Variants in GBE1 observed in about 807,000 individuals in gnomAD.
GBE1 encodes 1,4-alpha-glucan-branching enzyme.
A neutral mutation model predicts 88.8 loss-of-function variants in GBE1; 70 were observed. The ratio of observed to expected loss-of-function variants is 0.79; its 90% CI spans 0.65 to 0.96. GBE1 has a LOEUF of 0.96. GBE1 is among the 40% of genes least tolerant of loss of function. The pLI is 0.00. For missense variants in GBE1, 872 were observed against 871.0 expected (o/e 1.00, Z -0.01); for synonymous variants, 284 against 300.1 (o/e 0.95, Z 0.56).
At chr3:81,746,396 A>T (rs1400664045) in intron 1 of GBE1, among the ~76,000 whole-genome samples, 1 of 151,920 alleles carries the variant, frequency 6.6e-6, no homozygotes, top group African/African-American at 2.4e-5. Context: ...CCAAGTAGCT[A>T]GGACTACAGG....
At chr3:81,598,939 T>C (rs1383812802) in intron 7 of GBE1, among the ~76,000 whole-genome samples, 2 of 152,106 alleles carry the variant, frequency 1.3e-5, no homozygotes, top group Non-Finnish European at 2.9e-5. Context: ...ATTAATATAT[T>C]GTTTAATCAG....
rs545537214 is a variant in GBE1 at position 81,629,984 on chromosome 3, G to C, written c.992+12797C>G. Among the ~76,000 whole-genome samples the C allele has an allele frequency of 3.9e-4, 58 of 150,474 alleles. 1 individual carries two copies. Among genetic ancestry groups the C allele is most frequent in the Middle Eastern group, 6.9e-3 (2 of 290 alleles). On this transcript the variant is annotated intron_variant, in intron 7 of 15. Transcript: ENST00000429644. The stretch of plus-strand genomic sequence containing the variant: ...ATGCAGTGTTTGGTTTTTTGTCCTT[G>C]CGACAGTTTACTGAGAATGATGGTT...
intron 12 of GBE1, among the ~76,000 whole-genome samples, chr3:81,577,476 T>C (rs1428946320): frequency 6.6e-6 from 1 of 152,202 alleles, no homozygotes. Context: ...TCCAACACAA[T>C]ATCTCTGAAC....
chr3:81,732,845 C>A (rs1001635339), intron 1 of GBE1, among the ~76,000 whole-genome samples: 1 of 152,102 alleles, frequency 6.6e-6, no homozygotes, highest in African/African-American at 2.4e-5. Context: ...TAAAAGCTAA[C>A]CAAAGTCTTT....
chr3:81,696,893 G>A (rs1476261603), intron 2 of GBE1, among the ~76,000 whole-genome samples: 1 of 152,108 alleles, frequency 6.6e-6, no homozygotes, highest in Non-Finnish European at 1.5e-5. Context: ...CTCAAACCAT[G>A]TATTTCCTAT....
intron 7 of GBE1, among the ~76,000 whole-genome samples, chr3:81,626,279 T>C (rs1704413063): frequency 6.6e-6 from 1 of 152,218 alleles, no homozygotes; most frequent in Non-Finnish European, 1.5e-5. Flanking sequence ...TCAAACAGGA[T>C]ATTCTTTACA....
At chr3:81,621,725 T>C (rs998273917) in intron 7 of GBE1, among the ~76,000 whole-genome samples, 2 of 152,200 alleles carry the variant, frequency 1.3e-5, no homozygotes, top group Non-Finnish European at 2.9e-5. Flanking sequence ...CTTAGTTGAA[T>C]TTGATCCCTA....
At position 81,566,751 on chromosome 3, in the gene GBE1, C is replaced by T. The variant is rs189507275; in HGVS notation, c.1618+11174G>A. ...TTTCATCTTCACAAAACCCCACTTA[C>T]AACCAACCTTCACCTGTATTCATTT... On this transcript the variant is annotated intron_variant, in intron 12 of 15. Transcript: ENST00000429644. Among the ~76,000 whole-genome samples, 1,139 of 152,208 alleles carry T rather than the reference C, an allele frequency of 7.5e-3. 11 individuals are homozygous for T. Among genetic ancestry groups the T allele is most frequent in the Middle Eastern group, 0.02 (6 of 294 alleles).
At chr3:81,693,528 C>T (rs954263217) in intron 2 of GBE1, among the ~76,000 whole-genome samples, 2 of 152,070 alleles carry the variant, frequency 1.3e-5, no homozygotes, top group African/African-American at 2.4e-5. Flanking sequence ...CCATTTCCTC[C>T]GCTAGAAGAG....
At chr3:81,687,194 T>C (rs990228773) in intron 2 of GBE1, among the ~76,000 whole-genome samples, 1 of 152,130 alleles carries the variant, frequency 6.6e-6, no homozygotes. Context: ...GACAGAGAAA[T>C]GAAAGAGGTA....
intron 7 of GBE1, among the ~76,000 whole-genome samples, chr3:81,600,634 T>A (rs942660009): frequency 6.6e-6 from 1 of 152,198 alleles, no homozygotes; most frequent in African/African-American, 2.4e-5. Flanking sequence ...TGACTTTAAA[T>A]ATACTACAAC....
At chr3:81,720,321 A>C (rs1706006894) in intron 1 of GBE1, among the ~76,000 whole-genome samples, 1 of 150,130 alleles carries the variant, frequency 6.7e-6, no homozygotes, top group African/African-American at 2.5e-5. Flanking sequence ...ACACATACAC[A>C]CACGCACACA....
intron 2 of GBE1, among the ~76,000 whole-genome samples, chr3:81,702,566 C>A (rs1705715363): frequency 6.6e-6 from 1 of 151,994 alleles, no homozygotes; most frequent in Non-Finnish European, 1.5e-5. Flanking sequence ...TAAAGGCCCA[C>A]CGATTACATC....
chr3:81,506,005 A>G lies in GBE1; in HGVS notation c.1935-6778T>C, dbSNP rs75153268. ...CACCCTAGGCAATACCATTCAGGACACAGGCGAGGGCAAAGATTTCATGAC... is the reference window on the plus strand; with the variant it reads ...CACCCTAGGCAATACCATTCAGGACGCAGGCGAGGGCAAAGATTTCATGAC... On this transcript the variant is annotated intron_variant, in intron 14 of 15. Coordinates refer to ENST00000429644, the MANE Select transcript of GBE1 (RefSeq NM_000158.4). 8.6e-3 allele frequency among the ~76,000 whole-genome samples: 1,311 copies of G among 152,258 alleles called. 7 individuals are homozygous for G. Among genetic ancestry groups the G allele is most frequent in the Non-Finnish European group, 0.012 (844 of 68,024 alleles).
chr3:81,497,193 C>T (rs142937149), intron 15 of GBE1, among the ~76,000 whole-genome samples: 1 of 152,160 alleles, frequency 6.6e-6, no homozygotes, highest in Non-Finnish European at 1.5e-5. Context: ...TTTACTCTCA[C>T]AAAATTGAAA....
chr3:81,499,648 T>C (rs1273058147), intron 14 of GBE1, among the ~76,000 whole-genome samples: 1 of 152,196 alleles, frequency 6.6e-6, no homozygotes, highest in Non-Finnish European at 1.5e-5. Context: ...TTATACTATC[T>C]CCATGTGTCT....
At chr3:81,582,017 T>C (rs1703737646) in intron 10 of GBE1, among the ~76,000 whole-genome samples, 3 of 152,058 alleles carry the variant, frequency 2.0e-5, no homozygotes, top group Admixed American at 6.6e-5. Context: ...TCTTGCTTTA[T>C]ATTGTTTTGT....
At chr3:81,753,267 A>C (rs4411908) in intron 1 of GBE1, among the ~76,000 whole-genome samples, 68,020 of 151,910 alleles carry the variant, frequency 0.45, 16,302 homozygotes, top group East Asian at 0.86. Flanking sequence ...CTGGATATTA[A>C]ACACAAAGGA....
chr3:81,606,952 A>AT (rs1704111174), intron 7 of GBE1, among the ~76,000 whole-genome samples: 1 of 152,188 alleles, frequency 6.6e-6, no homozygotes, highest in African/African-American at 2.4e-5. Flanking sequence ...TTGTTGCTGT[A>AT]TTCCCAGAGC....
Sources: allele counts gnomAD v4.1 joint callset (sites outside exome capture counted in the v4.1 genomes callset), GRCh38; gene constraint gnomAD v4.1.1; transcripts MANE v1.5; gene names NCBI Gene and HGNC (gene_info 2026-07-23, HGNC 2026-07-21).